IL31RA: variants seen among roughly 807,000 people sequenced by gnomAD.
The protein encoded by IL31RA is interleukin-31 receptor subunit alpha.
IL31RA carries 66 observed loss-of-function variants against 83.7 expected under a neutral mutation model. The ratio of observed to expected loss-of-function variants is 0.79; its 90% CI spans 0.65 to 0.97. IL31RA has a LOEUF of 0.97. Among genes scored for constraint, IL31RA ranks in the 50% least tolerant of loss-of-function variants. IL31RA has a pLI of 0.00. For missense variants in IL31RA, 798 were observed against 919.4 expected (o/e 0.87, Z 1.71); for synonymous variants, 325 against 329.0 (o/e 0.99, Z 0.13).
At chr5:55,876,991 A>G (rs537228861) in intron 4 of IL31RA, among the ~76,000 whole-genome samples, 36 of 151,974 alleles carry the variant, frequency 2.4e-4, no homozygotes, top group Non-Finnish European at 3.5e-4. Flanking sequence ...ATAAGGAAGG[A>G]CTTACTTTTG....
intron 11 of IL31RA, among the ~76,000 whole-genome samples, chr5:55,909,509 C>T (rs925793983): frequency 1.3e-5 from 2 of 152,140 alleles, no homozygotes; most frequent in African/African-American, 4.8e-5. Flanking sequence ...AGTGACTACT[C>T]CACACTATAC....
intron 3 of IL31RA, among the ~76,000 whole-genome samples, chr5:55,871,841 TTATG>T (rs1386403295): frequency 7.3e-6 from 1 of 136,904 alleles, no homozygotes; most frequent in African/African-American, 3.1e-5. Flanking sequence ...TACATTCTAT[TTATG>T]TATCTACCAT....
chr5:55,890,540 T>C (rs1561101870), intron 6 of IL31RA, among the ~76,000 whole-genome samples: 2 of 152,164 alleles, frequency 1.3e-5, no homozygotes, highest in African/African-American at 2.4e-5. Context: ...CGGTTGATTT[T>C]TGTATTTTTA....
At chr5:55,898,980 G>A (rs1328215928) in intron 7 of IL31RA, among the ~76,000 whole-genome samples, 2 of 151,986 alleles carry the variant, frequency 1.3e-5, no homozygotes, top group Non-Finnish European at 2.9e-5. Context: ...GCCAAGATCA[G>A]GCCACTGCAC....
chr5:55,908,643 G>C, intron 11 of IL31RA: 1 of 1,539,698 alleles, frequency 6.5e-7, no homozygotes, highest in Non-Finnish European at 8.8e-7. Context: ...CTGAGGAAAT[G>C]GAAGGAGTTG....
Position 55,922,492 on chromosome 5 carries a change from A to G in IL31RA, c.*5372A>G. Reference sequence around the variant, plus strand: ...TCTATGCAAATTAGAAAGGACATGCAGAGTTTTCCAACTAGGAAGACTGAA... The same window carrying G: ...TCTATGCAAATTAGAAAGGACATGCGGAGTTTTCCAACTAGGAAGACTGAA... On this transcript the variant is annotated 3_prime_UTR_variant, in exon 15 of 15. Transcript: ENST00000652347. The G allele has an allele frequency of 7.2e-7, 1 of 1,392,920 alleles. No homozygotes were observed. The highest frequency in any genetic ancestry group is 9.9e-7 in the Non-Finnish European group (1 of 1,007,008). The allele number at this position is 1,392,920 out of a possible 1,614,324, so 86.3% of individuals were successfully genotyped here.
upstream of IL31RA, among the ~76,000 whole-genome samples, chr5:55,847,226 GAAAAAA>G (rs57491641): frequency 6.2e-4 from 74 of 118,816 alleles, 2 homozygotes; most frequent in African/African-American, 2.3e-3. Context: ...CTGGGCAACA[GAAAAAA>G]AAAAAAAAAT....
At chr5:55,873,298 C>T (rs1197693124) in intron 4 of IL31RA, among the ~76,000 whole-genome samples, 1 of 151,902 alleles carries the variant, frequency 6.6e-6, no homozygotes, top group African/African-American at 2.4e-5. Context: ...TTTTGTTTAC[C>T]CATACATCAG....
chr5:55,858,492 A>G (rs1017748543), intron 1 of IL31RA, among the ~76,000 whole-genome samples: 7 of 152,158 alleles, frequency 4.6e-5, no homozygotes, highest in African/African-American at 1.4e-4. Flanking sequence ...GGCTATCTTT[A>G]TTATCTTAGG....
chr5:55,860,213 AC>A (rs368098270), intron 2 of IL31RA, among the ~76,000 whole-genome samples: 32 of 152,216 alleles, frequency 2.1e-4, no homozygotes, highest in African/African-American at 7.7e-4. Flanking sequence ...TACTAAAAAT[AC>A]AAAAATTAAC....
chr5:55,914,763 C>A, intron 13 of IL31RA, 84 bp from the exon 14 acceptor site: 1 of 989,154 alleles, frequency 1.0e-6, no homozygotes. Context: ...TTCCCTTTAG[C>A]ACAGCCTCAC....
At position 55,921,542 on chromosome 5, in the gene IL31RA, G is replaced by A. The variant is rs1258527421; in HGVS notation, c.*4422G>A. 6.6e-6 allele frequency among the ~76,000 whole-genome samples: 1 copy of A among 152,170 alleles called. No homozygotes were observed. Among genetic ancestry groups the A allele is most frequent in the African/African-American group, 2.4e-5 (1 of 41,428 alleles). The stretch of plus-strand genomic sequence containing the variant: ...GTGGAATTGCTGGTCAGAATTTTAT[G>A]GTTGTCACATTTTGCGTGACTGTGT... On this transcript the variant is annotated 3_prime_UTR_variant, in exon 15 of 15. Coordinates refer to ENST00000652347, the MANE Select transcript of IL31RA (RefSeq NM_139017.7).
rs1746106139 is a variant in IL31RA at position 55,867,094 on chromosome 5, T to C, written c.155-1697T>C. On this transcript the variant is annotated intron_variant, in intron 2 of 14. Coordinates refer to ENST00000652347, the MANE Select transcript of IL31RA (RefSeq NM_139017.7). ...AGTTGTGCATGTGTGTTTGTGTGTG[T>C]GTGTTTGTGTGTGTGTGCATGTGTG... 3.5e-5 allele frequency among the ~76,000 whole-genome samples: 2 copies of C among 56,672 alleles called. 1 individual carries two copies. The highest frequency in any genetic ancestry group is 1.1e-4 in the Non-Finnish European group (2 of 18,080). The allele number at this position is 56,672 out of a possible 152,430, so 37.2% of individuals were successfully genotyped here.
rs1746577936 is a variant in IL31RA at position 55,872,449 on chromosome 5, T to C, written c.452T>C (p.Ile151Thr). ...ATGACATACTGGAGATTAGAGAACATAGGTAAGTGTTATTTGATACTCTTA... is the reference window on the plus strand; with the variant it reads ...ATGACATACTGGAGATTAGAGAACACAGGTAAGTGTTATTTGATACTCTTA... Reference protein sequence around the residue: ...SHMTYWRLENIAKTEPPKIFR... With the variant: ...SHMTYWRLENTAKTEPPKIFR... The change falls in exon 4 of 15, where the codon ATA (isoleucine) becomes ACA (threonine). Residue 151 changes from isoleucine to threonine, a missense_variant and splice_region_variant. Ile to Thr is a moderately conservative substitution (Grantham distance 89, BLOSUM62 -1). Coordinates refer to ENST00000652347, the MANE Select transcript of IL31RA (RefSeq NM_139017.7). 2.5e-6 allele frequency: 4 copies of C among 1,585,664 alleles called. No individual in the cohort carries two copies. The highest frequency in any genetic ancestry group is 3.5e-6 in the Non-Finnish European group (4 of 1,154,974).
chr5:55,856,977 G>A (rs1443390936), intron 1 of IL31RA, among the ~76,000 whole-genome samples: 1 of 152,130 alleles, frequency 6.6e-6, no homozygotes, highest in East Asian at 1.9e-4. Flanking sequence ...TCTTTGGCTG[G>A]AGTCCTGAAT....
In IL31RA at chr5:55,900,046, A is replaced by G; in HGVS notation, c.983A>G (p.Glu328Gly). The G allele has an allele frequency of 6.2e-7, 1 of 1,614,168 alleles. No homozygotes were observed. Among genetic ancestry groups the G allele is most frequent in the Non-Finnish European group, 8.5e-7 (1 of 1,180,004 alleles). Residue 328 changes from glutamate to glycine, a missense_variant, in exon 8 of 15, where the codon GAG becomes GGG. Glu to Gly is a moderately conservative substitution (Grantham distance 98). Transcript: ENST00000652347. ...NQQLELHLGG[E>G]SFWVSMISYN... ...CAGCTTGAACTGCATCTGGGAGGCG[A>G]GAGCTTTTGGGTGTCTATGATTTCT...
intron 4 of IL31RA, among the ~76,000 whole-genome samples, chr5:55,872,713 C>T (rs1243489538): frequency 6.6e-6 from 1 of 151,962 alleles, no homozygotes; most frequent in African/African-American, 2.4e-5. Flanking sequence ...CACTGGTTTC[C>T]TCTTGTAGTT....
intron 2 of IL31RA, among the ~76,000 whole-genome samples, chr5:55,863,637 A>G (rs770644214): frequency 4.3e-4 from 65 of 152,266 alleles, no homozygotes; most frequent in Non-Finnish European, 7.8e-4. Context: ...CTCTTCTGTA[A>G]CACCAATATC....
At chr5:55,867,805 G>A (rs936337943) in intron 2 of IL31RA, among the ~76,000 whole-genome samples, 1 of 151,978 alleles carries the variant, frequency 6.6e-6, no homozygotes, top group African/African-American at 2.4e-5. Context: ...AAGTAAAAGC[G>A]CAAACCCCTG....
Sources: allele counts gnomAD v4.1 joint callset (sites outside exome capture counted in the v4.1 genomes callset), GRCh38; gene constraint gnomAD v4.1.1; transcripts MANE v1.5; gene names NCBI Gene and HGNC (gene_info 2026-07-23, HGNC 2026-07-21).